Variants in LRRC1 observed in about 807,000 individuals in gnomAD.
LRRC1 encodes the protein leucine-rich repeat-containing protein 1.
Under a neutral mutation model 69.9 loss-of-function variants are expected in LRRC1, and 28 were observed. That is an observed-to-expected ratio of 0.40 (90% CI 0.30 to 0.55). LRRC1 has a LOEUF of 0.55. Among genes scored for constraint, LRRC1 ranks in the 20% least tolerant of loss-of-function variants. The pLI, the probability that LRRC1 is intolerant of heterozygous loss-of-function variation, is 0.47. For synonymous variants in LRRC1, 236 were observed against 240.2 expected, an observed-to-expected ratio of 0.98 and a Z score of 0.16; for missense variants, 498 against 609.0, an observed-to-expected ratio of 0.82 and a Z score of 1.92.
chr6:53,846,451 C>T (rs531708775), intron 2 of LRRC1, among the ~76,000 whole-genome samples: 8 of 152,322 alleles, frequency 5.3e-5, no homozygotes, highest in African/African-American at 1.4e-4. Flanking sequence ...GCTGTCAGCA[C>T]GCGGTCGACT....
chr6:53,857,432 T>A (rs73430284), intron 2 of LRRC1, among the ~76,000 whole-genome samples: 2,543 of 152,278 alleles, frequency 0.017, 74 homozygotes, highest in African/African-American at 0.059. Context: ...GGAGCTACTG[T>A]GCAGATTAAT....
Position 53,902,613 on chromosome 6 carries a change from C to T in LRRC1, c.788-16C>T. Reference sequence around the variant, plus strand: ...AACTAATGAATTTGATAATAATAATCATAATGCTTTTACAGGAAAACTAAA... The same window carrying T: ...AACTAATGAATTTGATAATAATAATTATAATGCTTTTACAGGAAAACTAAA... On this transcript the variant is annotated splice_polypyrimidine_tract_variant and intron_variant, in intron 8 of 13. Transcript: ENST00000370888. 3 of 1,423,284 alleles carry T rather than the reference C, an allele frequency of 2.1e-6. No individual in the cohort carries two copies. The highest frequency in any genetic ancestry group is 2.9e-6 in the Non-Finnish European group (3 of 1,029,874). 88.2% of individuals were successfully genotyped at this position (1,423,284 alleles called of 1,614,324 possible). A position where few individuals can be genotyped will look rare whatever the true frequency, so the allele number is the denominator to read the frequency against.
rs112700721 is a variant in LRRC1, at chr6:53,908,474, A to T, written c.990+4012A>T. Among the ~76,000 whole-genome samples the T allele has an allele frequency of 8.0e-3, 1,218 of 152,320 alleles. 14 individuals are homozygous for T. The highest frequency in any genetic ancestry group is 0.027 in the African/African-American group (1,104 of 41,580). On this transcript the variant is annotated intron_variant, in intron 10 of 13. Coordinates refer to ENST00000370888, the MANE Select transcript of LRRC1 (RefSeq NM_018214.5). ...TCTGCCTTCTTATTATTGCAATTCA[A>T]AATTCTTTCAGTATAAGTTTCCGTT...
At chr6:53,872,432 T>C (rs1254816391) in intron 2 of LRRC1, among the ~76,000 whole-genome samples, 1 of 152,188 alleles carries the variant, frequency 6.6e-6, no homozygotes, top group African/African-American at 2.4e-5. Context: ...ATTTCACTGG[T>C]CTATGTATCA....
At chr6:53,848,751 T>A (rs1042612051) in intron 2 of LRRC1, among the ~76,000 whole-genome samples, 1 of 138,168 alleles carries the variant, frequency 7.2e-6, no homozygotes, top group African/African-American at 2.7e-5. Flanking sequence ...CATAACTTTT[T>A]TTCTTTTACT....
chr6:53,863,474 G>A (rs928545848), intron 2 of LRRC1, among the ~76,000 whole-genome samples: 2 of 152,138 alleles, frequency 1.3e-5, no homozygotes, highest in African/African-American at 2.4e-5. Flanking sequence ...ATCTCTCCAC[G>A]TAGATAGGTC....
At chr6:53,813,931 G>A (rs1331360131) in intron 1 of LRRC1, among the ~76,000 whole-genome samples, 1 of 152,158 alleles carries the variant, frequency 6.6e-6, no homozygotes, top group African/African-American at 2.4e-5. Context: ...TGGCTCAAAG[G>A]AACTGCAGAT....
chr6:53,852,605 T>A (rs1201442402), intron 2 of LRRC1, among the ~76,000 whole-genome samples: 4 of 152,152 alleles, frequency 2.6e-5, no homozygotes, highest in Non-Finnish European at 4.4e-5. Context: ...TCCTAGTTAG[T>A]GATGGACCTG....
chr6:53,836,278 G>A (rs77917329), intron 1 of LRRC1, among the ~76,000 whole-genome samples: 4 of 152,202 alleles, frequency 2.6e-5, no homozygotes, highest in East Asian at 1.9e-4. Context: ...GCACAGAAAC[G>A]TGAGGAATAA....
chr6:53,899,991 A>G, intron 8 of LRRC1, 100 bp downstream of exon 8: 1 of 565,644 alleles, frequency 1.8e-6, no homozygotes. Context: ...TCAGATGCTG[A>G]GGATGTGGCT....
At chr6:53,865,534 T>G (rs888469683) in intron 2 of LRRC1, among the ~76,000 whole-genome samples, 1 of 152,058 alleles carries the variant, frequency 6.6e-6, no homozygotes, top group Non-Finnish European at 1.5e-5. Context: ...GGACAGTTCG[T>G]GGAGTAGTTT....
chr6:53,824,136 T>C (rs6928222), intron 1 of LRRC1, among the ~76,000 whole-genome samples: 40,036 of 151,602 alleles, frequency 0.26, 5,404 homozygotes, highest in African/African-American at 0.29. Flanking sequence ...TTTTTTTTTT[T>C]ACAACCTCGC....
rs1581882239 is a variant in LRRC1 at position 53,862,229 on chromosome 6, T to C, written c.278-16764T>C. Among the ~76,000 whole-genome samples, 4 of 152,240 alleles carry C rather than the reference T, an allele frequency of 2.6e-5. No individual in the cohort carries two copies. The Middle Eastern group carries it at 0.014, about 518-fold the overall frequency. ...TATGTATCAGATGAATACAACTTTT[T>C]TCCCCTCATTTTTGATATTTGATTG... is the stretch of plus-strand genomic sequence containing the variant. On this transcript the variant is annotated intron_variant, in intron 2 of 13. Transcript: ENST00000370888.
rs1029954237 is a variant in LRRC1, at chr6:53,919,533, A to G, written c.1142A>G (p.Lys381Arg). The change falls in exon 12 of 14, where the codon AAG becomes AGG. Residue 381 changes from lysine (K) to arginine (R), a missense_variant. Coordinates refer to ENST00000370888, the MANE Select transcript of LRRC1 (RefSeq NM_018214.5). ...LHLPLSLTAL[K>R]LKALWLSDNQ... ...CTACCTTTATCCCTGACTGCCTTGA[A>G]GTTGAAGGCTCTGTGGCTATCTGAC... The G allele has an allele frequency of 6.2e-7, 1 of 1,608,334 alleles. No homozygotes were observed. The highest frequency in any genetic ancestry group is 1.3e-5 in the African/African-American group (1 of 74,232).
intron 1 of LRRC1, among the ~76,000 whole-genome samples, chr6:53,801,959 G>C (rs1247387815): frequency 6.6e-6 from 1 of 152,174 alleles, no homozygotes; most frequent in Non-Finnish European, 1.5e-5. Context: ...ATTTCAGCTT[G>C]GCAAATGCAG....
At chr6:53,905,641 G>A (rs149924385) in intron 10 of LRRC1, among the ~76,000 whole-genome samples, 90 of 152,150 alleles carry the variant, frequency 5.9e-4, no homozygotes, top group Middle Eastern at 3.4e-3. Flanking sequence ...AACATGTGGC[G>A]TTCTTGTTTT....
At chr6:53,885,647 G>A (rs1269803489) in intron 4 of LRRC1, among the ~76,000 whole-genome samples, 1 of 152,178 alleles carries the variant, frequency 6.6e-6, no homozygotes, top group Non-Finnish European at 1.5e-5. Flanking sequence ...ACCTAGCACA[G>A]TAGTTGGCAT....
At chr6:53,867,464 C>T (rs374200704) in intron 2 of LRRC1, among the ~76,000 whole-genome samples, 1 of 151,050 alleles carries the variant, frequency 6.6e-6, no homozygotes, top group Non-Finnish European at 1.5e-5. Flanking sequence ...GAAAGCAATT[C>T]TAATTCAGAA....
chr6:53,796,155 T>G (rs1179356667), intron 1 of LRRC1, among the ~76,000 whole-genome samples: 1 of 152,246 alleles, frequency 6.6e-6, no homozygotes, highest in African/African-American at 2.4e-5. Context: ...CAGCCGCCTT[T>G]CCCGGAGCGG....
Sources: gnomAD v4.1 joint callset for allele counts (sites outside exome capture counted in the v4.1 genomes callset) on GRCh38, gnomAD v4.1.1 for gene constraint, MANE v1.5 for transcripts, NCBI Gene and HGNC (gene_info 2026-07-23, HGNC 2026-07-21) for gene names.